Variants in EEA1 observed in about 807,000 individuals in gnomAD.
The protein encoded by EEA1 is early endosome antigen 1.
A neutral mutation model predicts 209.2 loss-of-function variants in EEA1; 111 were observed. The ratio of observed to expected loss-of-function variants is 0.53; its 90% CI spans 0.45 to 0.62. The LOEUF is 0.62. Among genes scored for constraint, EEA1 ranks in the 20% least tolerant of loss-of-function variants. EEA1 has a pLI of 0.00. For missense variants in EEA1, 1,343 were observed against 1,530.8 expected, an observed-to-expected ratio of 0.88 and a Z score of 2.05; for synonymous variants, 536 against 540.6, an observed-to-expected ratio of 0.99 and a Z score of 0.12.
intron 14 of EEA1, among the ~76,000 whole-genome samples, chr12:92,818,394 G>C (rs1223965581): frequency 6.6e-6 from 1 of 152,112 alleles, no homozygotes; most frequent in Non-Finnish European, 1.5e-5. Flanking sequence ...GAAAACAGTA[G>C]TCTTGTACAT....
intron 22 of EEA1, among the ~76,000 whole-genome samples, chr12:92,782,919 A>G (rs1873966618): frequency 6.6e-6 from 1 of 152,226 alleles, no homozygotes; most frequent in African/African-American, 2.4e-5. Flanking sequence ...GGGAACTTCT[A>G]GATAGCTGAA....
chr12:92,850,777 T>A (rs1877591836), intron 9 of EEA1, among the ~76,000 whole-genome samples: 1 of 148,046 alleles, frequency 6.8e-6, no homozygotes, highest in Non-Finnish European at 1.5e-5. Context: ...AAATTGGTAA[T>A]ATAATTGTAG....
intron 2 of EEA1, among the ~76,000 whole-genome samples, chr12:92,869,458 C>A (rs1331005773): frequency 6.6e-6 from 1 of 151,764 alleles, no homozygotes; most frequent in African/African-American, 2.4e-5. Context: ...AAAGAAAAAG[C>A]CCTGGCCGGG....
At chr12:92,865,339 AAAT>A (rs199601966) in intron 2 of EEA1, among the ~76,000 whole-genome samples, 2,563 of 152,108 alleles carry the variant, frequency 0.017, 32 homozygotes, top group East Asian at 0.04. Flanking sequence ...CTCATTAGTA[AAAT>A]AATATCTGTT....
chr12:92,800,519 G>A (rs896407759), intron 20 of EEA1, among the ~76,000 whole-genome samples: 3 of 152,092 alleles, frequency 2.0e-5, no homozygotes, highest in African/African-American at 4.8e-5. Flanking sequence ...ATATATAGAC[G>A]TCTCAGCTTA....
At chr12:92,904,569 A>C (rs1434520122) in intron 1 of EEA1, among the ~76,000 whole-genome samples, 1 of 152,154 alleles carries the variant, frequency 6.6e-6, no homozygotes, top group Non-Finnish European at 1.5e-5. Flanking sequence ...TCCCCTTCTA[A>C]CACCAATAGC....
At chr12:92,776,309 A>G (rs1461681961) in intron 28 of EEA1, among the ~76,000 whole-genome samples, 176 bp from the exon 29 acceptor site, 1 of 151,930 alleles carries the variant, frequency 6.6e-6, no homozygotes, top group Non-Finnish European at 1.5e-5. Context: ...ATTAAATTGA[A>G]TGCTTCCTAT....
intron 9 of EEA1, 69 bp downstream of exon 9, chr12:92,851,041 TG>T: frequency 7.0e-7 from 1 of 1,421,648 alleles, no homozygotes; most frequent in Non-Finnish European, 9.3e-7. Context: ...TCTCAAATCC[TG>T]GCTTCACTCA....
chr12:92,848,802 G>T (rs1225428254), intron 9 of EEA1, among the ~76,000 whole-genome samples: 1 of 132,088 alleles, frequency 7.6e-6, no homozygotes, highest in Non-Finnish European at 1.5e-5. Flanking sequence ...GTGTGATCAT[G>T]GCTCACTGCA....
rs111678652 is a variant in EEA1 at position 92,811,278 on chromosome 12, C to T, written c.2199+1G>A. 2 of 1,533,556 alleles carry T rather than the reference C, an allele frequency of 1.3e-6. No individual in the cohort carries two copies. Among genetic ancestry groups the T allele is most frequent in the Non-Finnish European group, 1.7e-6 (2 of 1,142,894 alleles). The allele number at this position is 1,533,556 out of a possible 1,614,324, so 95.0% of individuals were successfully genotyped here. On this transcript the variant is annotated splice_donor_variant, in intron 17 of 28. Transcript: ENST00000322349. LOFTEE classifies it high-confidence loss of function. ...CTAAATTCAACTTCTTTTATACAAA[C>T]CTTAATTTGACCTTCTAGCTCTTCG...
intron 11 of EEA1, among the ~76,000 whole-genome samples, chr12:92,831,402 T>G (rs1034364290): frequency 1.3e-5 from 2 of 150,604 alleles, no homozygotes; most frequent in Non-Finnish European, 3.0e-5. Flanking sequence ...ATTTTTGCCT[T>G]TAAGCTAGAT....
At chr12:92,815,023 A>G (rs1819187034) in intron 15 of EEA1, among the ~76,000 whole-genome samples, 2 of 152,220 alleles carry the variant, frequency 1.3e-5, no homozygotes, top group African/African-American at 4.8e-5. Context: ...TTTTTCTCAG[A>G]GTCCTAATTC....
At chr12:92,776,260 A>C in intron 28 of EEA1, 127 bp from the exon 29 acceptor site, 1 of 853,552 alleles carries the variant, frequency 1.2e-6, no homozygotes. Flanking sequence ...TATATTATTT[A>C]ATGATATGTT....
chr12:92,798,175 ATAAT>A (rs1294968148), intron 21 of EEA1, among the ~76,000 whole-genome samples: 1 of 152,222 alleles, frequency 6.6e-6, no homozygotes, highest in Admixed American at 6.5e-5. Context: ...TAAAATATTA[ATAAT>A]TAAAACTATA....
In EEA1 at chr12:92,884,205, G is replaced by T. The variant is rs17194458; in HGVS notation, c.117+7424C>A. ...ACTCACTGAGGCAGTGCCAAGAAAAGGGGCTTTGCCTTTGTAACCTTTGAC... is the reference window on the plus strand; with the variant it reads ...ACTCACTGAGGCAGTGCCAAGAAAATGGGCTTTGCCTTTGTAACCTTTGAC... On this transcript the variant is annotated intron_variant, in intron 2 of 28. Coordinates refer to ENST00000322349, the MANE Select transcript of EEA1 (RefSeq NM_003566.4). 7.9e-3 allele frequency: 11,891 copies of T among 1,501,756 alleles called. 79 individuals are homozygous for T. Among genetic ancestry groups the T allele is most frequent in the Middle Eastern group, 0.021 (88 of 4,234 alleles). 93.0% of individuals were successfully genotyped at this position (1,501,756 alleles called of 1,614,324 possible).
At chr12:92,813,675 C>CGT (rs1875642198) in intron 15 of EEA1, among the ~76,000 whole-genome samples, 1 of 152,010 alleles carries the variant, frequency 6.6e-6, no homozygotes, top group South Asian at 2.1e-4. Context: ...AAAGTAACAC[C>CGT]TTTAAGTGTT....
chr12:92,907,155 G>C (rs1221436280), intron 1 of EEA1, among the ~76,000 whole-genome samples: 1 of 152,112 alleles, frequency 6.6e-6, no homozygotes, highest in African/African-American at 2.4e-5. Context: ...TTTCATACTT[G>C]ACCTCTTAGC....
In EEA1 at chr12:92,787,959, T is replaced by G. The variant is rs1403208146; in HGVS notation, c.3058A>C (p.Asn1020His). Residue 1020 changes from asparagine to histidine, a missense_variant, in exon 22 of 29, where the codon AAC (asparagine) becomes CAC (histidine). Physicochemically the swap from Asn to His is moderately conservative, Grantham distance 68. Transcript: ENST00000322349. ...EKEKISVLQN[N>H]YEKSQETFKQ... ...AAAGTTTCCTGACTTTTTTCATAGT[T>G]GTTTTGTAATACTGATATTTTCTCT... The G allele has an allele frequency of 6.2e-7, 1 of 1,613,274 alleles. No individual in the cohort carries two copies. The highest frequency in any genetic ancestry group is 8.5e-7 in the Non-Finnish European group (1 of 1,179,680).
chr12:92,839,920 G>T (rs1877093591), intron 10 of EEA1, among the ~76,000 whole-genome samples: 1 of 152,076 alleles, frequency 6.6e-6, no homozygotes, highest in Non-Finnish European at 1.5e-5. Flanking sequence ...GTTTTTGAGG[G>T]TCAGGAATCT....
Sources: allele counts gnomAD v4.1 joint callset (sites outside exome capture counted in the v4.1 genomes callset), GRCh38; gene constraint gnomAD v4.1.1; transcripts MANE v1.5; gene names NCBI Gene and HGNC (gene_info 2026-07-23, HGNC 2026-07-21).